PDE4D: variants seen among roughly 807,000 people sequenced by gnomAD.
PDE4D encodes phosphodiesterase 4D.
PDE4D carries 24 observed loss-of-function variants against 87.4 expected under a neutral mutation model. The ratio of observed to expected loss-of-function variants is 0.27; its 90% CI spans 0.20 to 0.39. The LOEUF is 0.39. Ranked by LOEUF, PDE4D falls within the 10% of genes least tolerant of loss-of-function variation. The pLI, the probability that PDE4D is intolerant of heterozygous loss-of-function variation, is 1.00. For missense variants in PDE4D, 714 were observed against 1,041.0 expected, an observed-to-expected ratio of 0.69 and a Z score of 4.32; for synonymous variants, 384 against 383.2, an observed-to-expected ratio of 1.00 and a Z score of -0.02.
intron 1 of PDE4D, among the ~76,000 whole-genome samples, chr5:59,385,967 C>T (rs570269730): frequency 6.6e-6 from 1 of 152,250 alleles, no homozygotes; most frequent in Non-Finnish European, 1.5e-5. Flanking sequence ...CTCTCAGAGT[C>T]CTGACCCTTT....
intron 1 of PDE4D, among the ~76,000 whole-genome samples, chr5:59,892,354 ATC>A (rs1364889143): frequency 6.6e-6 from 1 of 151,948 alleles, no homozygotes; most frequent in Non-Finnish European, 1.5e-5. Context: ...CTATAATCAA[ATC>A]TCTACGTCTT....
intron 1 of PDE4D, among the ~76,000 whole-genome samples, chr5:60,190,567 G>A (rs1583021246): frequency 1.3e-5 from 2 of 152,270 alleles, no homozygotes; most frequent in South Asian, 4.1e-4. Context: ...TAGAAAGAAC[G>A]TAGAGTACAA....
At chr5:59,332,789 A>G (rs1776966988) in intron 1 of PDE4D, among the ~76,000 whole-genome samples, 1 of 152,144 alleles carries the variant, frequency 6.6e-6, no homozygotes, top group Admixed American at 6.5e-5. Context: ...TGTTTCTTAT[A>G]AGTGGGGTAG....
At chr5:59,571,134 ATTC>A (rs1173019424) in intron 1 of PDE4D, among the ~76,000 whole-genome samples, 1 of 152,188 alleles carries the variant, frequency 6.6e-6, no homozygotes, top group Admixed American at 6.5e-5. Context: ...AATGAAAGAG[ATTC>A]TTCTTCATGC....
At chr5:59,675,770 G>T (rs2150345971) in intron 1 of PDE4D, among the ~76,000 whole-genome samples, 1 of 152,192 alleles carries the variant, frequency 6.6e-6, no homozygotes, top group Non-Finnish European at 1.5e-5. Flanking sequence ...GCTTACTGTA[G>T]TCTCGACCTC....
intron 2 of PDE4D, among the ~76,000 whole-genome samples, chr5:60,055,147 G>A (rs1195379975): frequency 6.6e-6 from 1 of 151,996 alleles, no homozygotes; most frequent in African/African-American, 2.4e-5. Context: ...CGAGAGACCA[G>A]GGACCAGACA....
chr5:59,780,836 G>A (rs890418076), intron 1 of PDE4D, among the ~76,000 whole-genome samples: 2 of 152,250 alleles, frequency 1.3e-5, no homozygotes, highest in African/African-American at 2.4e-5. Flanking sequence ...AGCCTGAGGC[G>A]AGCCAACCAC....
chr5:59,655,162 G>A (rs1469153587), intron 1 of PDE4D, among the ~76,000 whole-genome samples: 2 of 150,054 alleles, frequency 1.3e-5, no homozygotes, highest in African/African-American at 4.9e-5. Context: ...AAAATTCTCT[G>A]AAAAAAAAAT....
At chr5:60,081,610 C>T (rs540507103) in intron 2 of PDE4D, among the ~76,000 whole-genome samples, 13 of 152,110 alleles carry the variant, frequency 8.5e-5, no homozygotes, top group South Asian at 8.3e-4. Flanking sequence ...TCATTGGTTT[C>T]AAAGAACTTC....
At chr5:60,026,326 A>T (rs1376862822) in intron 2 of PDE4D, among the ~76,000 whole-genome samples, 1 of 152,178 alleles carries the variant, frequency 6.6e-6, no homozygotes, top group African/African-American at 2.4e-5. Context: ...ATGACTCAGC[A>T]GTAAGATAGA....
intron 6 of PDE4D, among the ~76,000 whole-genome samples, chr5:59,031,392 T>TATTA (rs1431074293): frequency 1.3e-3 from 46 of 34,226 alleles, no homozygotes; most frequent in East Asian, 0.01. Flanking sequence ...TATATATATA[T>TATTA]TATATATATA....
chr5:60,370,912 C>T (rs1760975737), intron 1 of PDE4D, among the ~76,000 whole-genome samples: 1 of 152,110 alleles, frequency 6.6e-6, no homozygotes, highest in Admixed American at 6.5e-5. Flanking sequence ...TTGTCCCTTT[C>T]CCTTTAAAGC....
At chr5:60,385,971 T>G (rs1446062506) in intron 1 of PDE4D, among the ~76,000 whole-genome samples, 1 of 152,130 alleles carries the variant, frequency 6.6e-6, no homozygotes, top group Non-Finnish European at 1.5e-5. Context: ...TGCACATGGC[T>G]ACACCAGGCT....
chr5:59,891,669 T>C (rs1750975377), intron 1 of PDE4D, among the ~76,000 whole-genome samples: 1 of 152,078 alleles, frequency 6.6e-6, no homozygotes. Context: ...TACCTAAGGG[T>C]GTGAGCCAGG....
At chr5:59,501,077 A>T (rs1808214052) in intron 1 of PDE4D, among the ~76,000 whole-genome samples, 2 of 152,212 alleles carry the variant, frequency 1.3e-5, no homozygotes, top group South Asian at 4.1e-4. Context: ...TGTGAAATCC[A>T]AACCCTCTCT....
intron 1 of PDE4D, chr5:60,430,025 G>T (rs1266342012): frequency 2.1e-5 from 11 of 521,866 alleles, no homozygotes; most frequent in Non-Finnish European, 7.7e-6. Context: ...AACCGAACAT[G>T]GATACAGTAT....
chr5:59,161,316 A>G (rs970341760), intron 5 of PDE4D, among the ~76,000 whole-genome samples: 1 of 152,194 alleles, frequency 6.6e-6, no homozygotes, highest in Admixed American at 6.5e-5. Flanking sequence ...CAATACATGT[A>G]AGATTTACAC....
chr5:60,109,023 A>G (rs1777370242), intron 2 of PDE4D, among the ~76,000 whole-genome samples: 1 of 152,186 alleles, frequency 6.6e-6, no homozygotes, highest in Non-Finnish European at 1.5e-5. Flanking sequence ...ATCTAATTAA[A>G]CTAAAGAGCT....
intron 6 of PDE4D, among the ~76,000 whole-genome samples, chr5:59,008,675 T>C (rs1438104515): frequency 6.6e-6 from 1 of 152,054 alleles, no homozygotes; most frequent in Admixed American, 6.5e-5. Flanking sequence ...GATCTTGCGT[T>C]AGGCAAAGAT....
Sources: allele counts gnomAD v4.1 joint callset (sites outside exome capture counted in the v4.1 genomes callset), GRCh38; gene constraint gnomAD v4.1.1; transcripts MANE v1.5; gene names NCBI Gene and HGNC (gene_info 2026-07-23, HGNC 2026-07-21).